Variants in AGBL4 observed in about 807,000 individuals in gnomAD.
AGBL4 encodes AGBL carboxypeptidase 4.
A neutral mutation model predicts 66.4 loss-of-function variants in AGBL4; 58 were observed. The observed-to-expected ratio is 0.87, with a 90% CI of 0.71 to 1.09. AGBL4 has a LOEUF of 1.09. Among genes scored for constraint, AGBL4 ranks in the 50% least tolerant of loss-of-function variants. AGBL4 has a pLI of 0.00. For missense variants in AGBL4, 579 were observed against 631.0 expected (o/e 0.92, Z 0.88); for synonymous variants, 234 against 222.9 (o/e 1.05, Z -0.44).
chr1:48,618,424 C>T (rs1458407167), intron 9 of AGBL4, among the ~76,000 whole-genome samples: 2 of 152,152 alleles, frequency 1.3e-5, no homozygotes, highest in Non-Finnish European at 2.9e-5. Context: ...GTTTGATTAA[C>T]AATTCTATAG....
intron 1 of AGBL4, among the ~76,000 whole-genome samples, chr1:50,003,355 A>C (rs937279686): frequency 1.3e-5 from 2 of 152,256 alleles, no homozygotes; most frequent in South Asian, 4.1e-4. Flanking sequence ...TTGCTTTACT[A>C]TTCTCATCAG....
At chr1:49,702,760 AT>A (rs1166183372) in intron 2 of AGBL4, among the ~76,000 whole-genome samples, 1 of 152,190 alleles carries the variant, frequency 6.6e-6, no homozygotes, top group Non-Finnish European at 1.5e-5. Flanking sequence ...GACAGGTGAG[AT>A]TTATCCCAGA....
intron 4 of AGBL4, among the ~76,000 whole-genome samples, chr1:49,123,990 C>T (rs1246515687): frequency 6.6e-6 from 1 of 152,044 alleles, no homozygotes; most frequent in Non-Finnish European, 1.5e-5. Flanking sequence ...AGAAGATGTA[C>T]TGATAGAAGA....
intron 4 of AGBL4, among the ~76,000 whole-genome samples, chr1:49,073,752 C>T (rs1231696927): frequency 2.6e-5 from 4 of 152,166 alleles, no homozygotes; most frequent in Non-Finnish European, 5.9e-5. Flanking sequence ...GAGGAAGCAC[C>T]CTGTCCATTA....
chr1:49,237,515 TATATA>T lies in AGBL4; in HGVS notation c.377+8250_377+8254del, dbSNP rs1650863797. 6.1e-4 allele frequency among the ~76,000 whole-genome samples: 83 copies of T among 136,652 alleles called. 8 individuals are homozygous for T. The highest frequency in any genetic ancestry group is 2.3e-3 in the African/African-American group (76 of 33,052). 89.6% of individuals were successfully genotyped at this position (136,652 alleles called of 152,430 possible). A position where few individuals can be genotyped will look rare whatever the true frequency, so the allele number is the denominator to read the frequency against. On this transcript the variant is annotated intron_variant, in intron 4 of 13. Coordinates refer to ENST00000371839, the MANE Select transcript of AGBL4 (RefSeq NM_032785.4). ...CCTTTTTTTCCTCAATATTACATTATATATATATATATATATATATATATATATAT... is the reference window on the plus strand; with the variant it reads ...CCTTTTTTTCCTCAATATTACATTATTATATATATATATATATATATATAT...
intron 6 of AGBL4, among the ~76,000 whole-genome samples, chr1:48,837,956 C>A (rs1430638428): frequency 6.6e-6 from 1 of 151,608 alleles, no homozygotes; most frequent in Non-Finnish European, 1.5e-5. Context: ...TTTTTAGAAC[C>A]ATATGACTCT....
chr1:49,292,179 C>A (rs1644547060), intron 3 of AGBL4, among the ~76,000 whole-genome samples: 2 of 152,212 alleles, frequency 1.3e-5, no homozygotes, highest in Non-Finnish European at 2.9e-5. Context: ...GCTGACACAC[C>A]AGCCCCCTGC....
intron 1 of AGBL4, among the ~76,000 whole-genome samples, chr1:49,877,371 G>T (rs1355356368): frequency 1.3e-5 from 2 of 152,130 alleles, no homozygotes; most frequent in Non-Finnish European, 2.9e-5. Context: ...AGCTTGAAGG[G>T]TTGTTGAATT....
At chr1:48,647,713 G>A (rs1321266932) in intron 8 of AGBL4, 2 of 388,344 alleles carry the variant, frequency 5.2e-6, no homozygotes, top group Admixed American at 3.3e-5. Context: ...CTCAGAAAGC[G>A]CCGTGGGGTA....
chr1:49,592,735 A>G (rs1298035950), intron 3 of AGBL4, among the ~76,000 whole-genome samples: 2 of 152,234 alleles, frequency 1.3e-5, no homozygotes, highest in African/African-American at 2.4e-5. Context: ...AAGTCAAAAA[A>G]TAACAGATGC....
chr1:49,528,976 T>C lies in AGBL4; in HGVS notation c.282+168337A>G, dbSNP rs567700031. On this transcript the variant is annotated intron_variant, in intron 3 of 13. Coordinates refer to ENST00000371839, the MANE Select transcript of AGBL4 (RefSeq NM_032785.4). ...GTCTTGTACATTAAGCTCTAGAATA[T>C]GAACTTAATTTTAAACACTACAAAG... is the stretch of plus-strand genomic sequence containing the variant. Among the ~76,000 whole-genome samples the C allele has an allele frequency of 2.6e-5, 4 of 152,208 alleles. No individual in the cohort carries two copies. The East Asian group carries it at 7.7e-4, about 29-fold the overall frequency.
rs573065833 is a variant in AGBL4 at position 49,152,651 on chromosome 1, C to A, written c.377+93119G>T. Among the ~76,000 whole-genome samples, 5 of 152,254 alleles carry A rather than the reference C, an allele frequency of 3.3e-5. No homozygotes were observed. In the East Asian group the frequency reaches 9.7e-4, roughly 29 times the overall value. On this transcript the variant is annotated intron_variant, in intron 4 of 13. Transcript: ENST00000371839. ...GGTGAAAATGTTCATGCACAAATCA[C>A]CAAATTAATGCAGTTTTCATTAACT...
At chr1:49,936,193 G>C (rs1653990605) in intron 1 of AGBL4, among the ~76,000 whole-genome samples, 1 of 152,190 alleles carries the variant, frequency 6.6e-6, no homozygotes, top group African/African-American at 2.4e-5. Flanking sequence ...GAAGAATGCA[G>C]AAGCCTCAGG....
intron 1 of AGBL4, among the ~76,000 whole-genome samples, chr1:49,971,564 G>A (rs935361856): frequency 3.3e-5 from 5 of 152,128 alleles, no homozygotes; most frequent in Admixed American, 6.6e-5. Context: ...ACTAAGAATT[G>A]CGGGAAGAAG....
intron 3 of AGBL4, among the ~76,000 whole-genome samples, chr1:49,407,119 T>G (rs1480000831): frequency 6.7e-6 from 1 of 148,558 alleles, no homozygotes. Context: ...TCTTTTTACC[T>G]ATTGTAACAG....
At chr1:48,829,166 C>T (rs1394126663) in intron 6 of AGBL4, among the ~76,000 whole-genome samples, 1 of 152,144 alleles carries the variant, frequency 6.6e-6, no homozygotes, top group Non-Finnish European at 1.5e-5. Flanking sequence ...GCATTGTGGT[C>T]TTAGTGTGGA....
At chr1:49,224,643 C>T (rs1009751775) in intron 4 of AGBL4, among the ~76,000 whole-genome samples, 9 of 146,830 alleles carry the variant, frequency 6.1e-5, no homozygotes, top group South Asian at 2.2e-4. Flanking sequence ...AAAAGAAATT[C>T]GAATTGGCCT....
At chr1:49,566,290 T>G (rs892338917) in intron 3 of AGBL4, among the ~76,000 whole-genome samples, 1 of 152,244 alleles carries the variant, frequency 6.6e-6, no homozygotes, top group Admixed American at 6.5e-5. Context: ...GAAGCCTTCT[T>G]CTCTCAATTC....
intron 3 of AGBL4, among the ~76,000 whole-genome samples, chr1:49,261,106 C>T (rs991406427): frequency 1.3e-5 from 2 of 152,076 alleles, no homozygotes; most frequent in Non-Finnish European, 2.9e-5. Context: ...CAAAATTCAA[C>T]AACGCTTCAT....
Sources: allele counts gnomAD v4.1 joint callset (sites outside exome capture counted in the v4.1 genomes callset), GRCh38; gene constraint gnomAD v4.1.1; transcripts MANE v1.5; gene names NCBI Gene and HGNC (gene_info 2026-07-23, HGNC 2026-07-21).